The following GXYLT1 variants were observed in gnomAD, a reference collection of about 807,000 sequenced individuals.
GXYLT1 encodes glucoside xylosyltransferase 1.
In GXYLT1, 29 loss-of-function variants were observed where a neutral mutation model predicts 54.0. The observed-to-expected ratio is 0.54, with a 90% CI of 0.40 to 0.73. The LOEUF is 0.73. GXYLT1 is among the 30% of genes least tolerant of loss of function. The pLI, the probability that GXYLT1 is intolerant of heterozygous loss-of-function variation, is 0.00. For missense variants in GXYLT1, 490 were observed against 553.4 expected (o/e 0.89, Z 1.15); for synonymous variants, 176 against 204.1 (o/e 0.86, Z 1.17).
At chr12:42,103,482 T>C (rs1435572163) in intron 5 of GXYLT1, among the ~76,000 whole-genome samples, 1 of 152,172 alleles carries the variant, frequency 6.6e-6, no homozygotes, top group Non-Finnish European at 1.5e-5. Context: ...TATTGCTAAA[T>C]TTCTAAAATT....
chr12:42,128,010 A>G (rs934724907), intron 2 of GXYLT1, among the ~76,000 whole-genome samples: 1 of 152,224 alleles, frequency 6.6e-6, no homozygotes, highest in African/African-American at 2.4e-5. Flanking sequence ...TGAGAATGCA[A>G]GAATTTACAA....
At chr12:42,129,983 T>C (rs2065585274) in intron 1 of GXYLT1, 132 bp from the exon 2 acceptor site, 1 of 583,776 alleles carries the variant, frequency 1.7e-6, no homozygotes, top group African/African-American at 1.9e-5. Flanking sequence ...CAAATTGCTA[T>C]GATAAAGATT....
At chr12:42,088,490 T>C (rs2065310436) in intron 7 of GXYLT1, among the ~76,000 whole-genome samples, 1 of 152,110 alleles carries the variant, frequency 6.6e-6, no homozygotes. Context: ...GCACTCTTCA[T>C]GGGGATTCAG....
intron 2 of GXYLT1, 37 bp downstream of exon 2, chr12:42,129,722 T>G: frequency 7.8e-7 from 1 of 1,288,370 alleles, no homozygotes; most frequent in African/African-American, 1.5e-5. Context: ...TCTAACCTTA[T>G]CTACACTGAT....
chr12:42,119,145 T>A lies in GXYLT1; in HGVS notation c.341A>T (p.Glu114Val). The change falls in exon 3 of 8, where the codon GAG becomes GTG. Residue 114 changes from glutamate to valine, a missense_variant. Glu to Val is a moderately radical substitution (Grantham distance 121). Coordinates refer to ENST00000398675, the MANE Select transcript of GXYLT1 (RefSeq NM_173601.2). Reference protein sequence around the residue: ...FRYSLKIQPVEKMHLAVVACG... With the variant: ...FRYSLKIQPVVKMHLAVVACG... ...GGCAACTACAGCTAGATGCATTTTC[T>A]CAACAGGCTGTATTTTCAGACTGTA... The A allele has an allele frequency of 6.2e-7, 1 of 1,614,156 alleles. No homozygotes were observed. The highest frequency in any genetic ancestry group is 8.5e-7 in the Non-Finnish European group (1 of 1,179,970).
At chr12:42,098,786 A>ATAT (rs1565567184) in intron 5 of GXYLT1, among the ~76,000 whole-genome samples, 9 of 52,276 alleles carry the variant, frequency 1.7e-4, no homozygotes, top group Non-Finnish European at 2.7e-4. Flanking sequence ...TATATATATA[A>ATAT]TACATGTGTG....
At chr12:42,102,033 C>T (rs889825699) in intron 5 of GXYLT1, among the ~76,000 whole-genome samples, 1 of 152,154 alleles carries the variant, frequency 6.6e-6, no homozygotes, top group Non-Finnish European at 1.5e-5. Context: ...AATTTAGTTT[C>T]ATAACATTTA....
Position 42,082,708 on chromosome 12 carries a change from G to C in GXYLT1, c.*5078C>G, listed in dbSNP as rs2065260805. On this transcript the variant is annotated 3_prime_UTR_variant, in exon 8 of 8. Coordinates refer to ENST00000398675, the MANE Select transcript of GXYLT1 (RefSeq NM_173601.2). Reference sequence around the variant, plus strand: ...TCACCTAGGCTGGTCTCAAACTCTTGGGCTCAAGCGATCCTCCTGCCTCGG... The same window carrying C: ...TCACCTAGGCTGGTCTCAAACTCTTCGGCTCAAGCGATCCTCCTGCCTCGG... 6.6e-6 allele frequency: 1 copy of C among 152,108 alleles called. No homozygotes were observed. The highest frequency in any genetic ancestry group is 2.4e-5 in the African/African-American group (1 of 41,368). The allele number at this position is 152,108 out of a possible 1,614,324, so 9.4% of individuals were successfully genotyped here.
intron 1 of GXYLT1, among the ~76,000 whole-genome samples, chr12:42,143,414 C>A (rs935300605): frequency 3.9e-5 from 6 of 152,194 alleles, no homozygotes; most frequent in African/African-American, 1.2e-4. Context: ...CCGCTTTCCA[C>A]GCTGCTCCTC....
intron 2 of GXYLT1, among the ~76,000 whole-genome samples, chr12:42,126,090 T>G (rs1288612069): frequency 6.6e-6 from 1 of 151,464 alleles, no homozygotes; most frequent in Non-Finnish European, 1.5e-5. Context: ...TTTTTTTTTT[T>G]TGAGACAGAG....
chr12:42,120,997 C>T (rs764538499), intron 2 of GXYLT1, among the ~76,000 whole-genome samples: 1 of 152,194 alleles, frequency 6.6e-6, no homozygotes, highest in Non-Finnish European at 1.5e-5. Flanking sequence ...ACTTTCTACT[C>T]TTTCTACGTC....
At chr12:42,112,066 G>C (rs2065460819) in intron 3 of GXYLT1, among the ~76,000 whole-genome samples, 1 of 150,154 alleles carries the variant, frequency 6.7e-6, no homozygotes, top group Non-Finnish European at 1.5e-5. Flanking sequence ...AACTCCAACA[G>C]ACCTGCAGCT....
intron 1 of GXYLT1, among the ~76,000 whole-genome samples, chr12:42,141,155 T>G (rs1038149548): frequency 4.6e-5 from 7 of 152,174 alleles, no homozygotes; most frequent in African/African-American, 1.7e-4. Context: ...CCATCCCAAG[T>G]AACACTGACT....
At chr12:42,095,836 C>G (rs769633748) in intron 7 of GXYLT1, among the ~76,000 whole-genome samples, 3 of 151,964 alleles carry the variant, frequency 2.0e-5, no homozygotes, top group Non-Finnish European at 4.4e-5. Flanking sequence ...ACTGAAAGAT[C>G]GGAAAAAAAG....
chr12:42,131,617 G>T (rs970602962), intron 1 of GXYLT1, among the ~76,000 whole-genome samples: 1 of 152,154 alleles, frequency 6.6e-6, no homozygotes, highest in Non-Finnish European at 1.5e-5. Flanking sequence ...AGCACAAAAG[G>T]CTACATATCT....
Position 42,109,624 on chromosome 12 carries a change from T to A in GXYLT1, c.554A>T (p.Asn185Ile), listed in dbSNP as rs751087560. 1 of 1,599,882 alleles carries A rather than the reference T, an allele frequency of 6.3e-7. No individual in the cohort carries two copies. The highest frequency in any genetic ancestry group is 8.5e-7 in the Non-Finnish European group (1 of 1,173,016). ...AAAGAGTTTTTTCCACTCTGCTGCA[T>A]TCTCACTTGGAAAGGTTATGGGGTA... ...TLYPITFPSE[N>I]AAEWKKLFKP... Residue 185 changes from asparagine (N) to isoleucine (I), a missense_variant, in exon 4 of 8, where the codon AAT becomes ATT. Physicochemically the swap from Asn to Ile is moderately radical, Grantham distance 149. Around this residue, in one of 2 missense-constraint regions of GXYLT1, gnomAD observed 342 missense variants for 342.6 expected, o/e 1.00. Coordinates refer to ENST00000398675, the MANE Select transcript of GXYLT1 (RefSeq NM_173601.2).
chr12:42,098,024 T>A lies in GXYLT1; in HGVS notation c.874A>T (p.Thr292Ser), dbSNP rs761006688. 1 of 1,608,164 alleles carries A rather than the reference T, an allele frequency of 6.2e-7. No homozygotes were observed. The highest frequency in any genetic ancestry group is 8.5e-7 in the Non-Finnish European group (1 of 1,177,640). The change falls in exon 6 of 8, where the codon ACA becomes TCA. Residue 292 changes from threonine to serine, a missense_variant. By Grantham distance (58) the Thr-to-Ser change is moderately conservative. This residue lies in a region of GXYLT1 where 342 missense variants were observed against 342.6 expected (regional missense o/e 1.00). Coordinates refer to ENST00000398675, the MANE Select transcript of GXYLT1 (RefSeq NM_173601.2). ...MRRKYFKNDMTTVRLQWGDIL... is the reference protein window; with the variant it reads ...MRRKYFKNDMSTVRLQWGDIL... ...TCTCCCCATTGTAGTCGTACAGTTGTCATATCATTCTGTTGATAAAAACAT... is the reference window on the plus strand; with the variant it reads ...TCTCCCCATTGTAGTCGTACAGTTGACATATCATTCTGTTGATAAAAACAT...
chr12:42,110,244 TATG>T (rs2065445168), intron 3 of GXYLT1, among the ~76,000 whole-genome samples: 1 of 152,242 alleles, frequency 6.6e-6, no homozygotes, highest in South Asian at 2.1e-4. Context: ...TCTGAAAATC[TATG>T]ATGAACATGT....
chr12:42,083,708 T>A lies in GXYLT1; in HGVS notation c.*4078A>T, dbSNP rs1350658714. The A allele has an allele frequency of 6.6e-6, 1 of 152,272 alleles. No individual in the cohort carries two copies. The highest frequency in any genetic ancestry group is 1.5e-5 in the Non-Finnish European group (1 of 68,050). 9.4% of individuals were successfully genotyped at this position (152,272 alleles called of 1,614,324 possible). ...AACTGAAAGTATCCCAACTGAGGAA[T>A]AAATAGGTGTAATTTATTGCTTAAT... is the stretch of plus-strand genomic sequence containing the variant. On this transcript the variant is annotated 3_prime_UTR_variant, in exon 8 of 8. Transcript: ENST00000398675.
Sources: allele counts gnomAD v4.1 joint callset (sites outside exome capture counted in the v4.1 genomes callset), GRCh38; gene constraint gnomAD v4.1.1; regional missense constraint gnomAD v4.1.1; transcripts MANE v1.5; gene names NCBI Gene and HGNC (gene_info 2026-07-23, HGNC 2026-07-21).